Variants in PRUNE2 observed in about 807,000 individuals in gnomAD.
The protein encoded by PRUNE2 is prune homolog 2 with BCH domain.
A neutral mutation model predicts 252.0 loss-of-function variants in PRUNE2; 164 were observed. That is an observed-to-expected ratio of 0.65 (90% CI 0.57 to 0.74). The LOEUF (loss-of-function observed/expected upper bound fraction) is 0.74, where lower values mean the gene tolerates loss of function less well. Ranked by LOEUF, PRUNE2 falls within the 30% of genes least tolerant of loss-of-function variation. PRUNE2 has a pLI of 0.00. For synonymous variants in PRUNE2, 1,292 were observed against 1,350.2 expected (o/e 0.96, Z 0.94); for missense variants, 3,495 against 3,711.0 (o/e 0.94, Z 1.51).
At chr9:76,724,582 T>C (rs775432096) in intron 6 of PRUNE2, among the ~76,000 whole-genome samples, 2 of 152,124 alleles carry the variant, frequency 1.3e-5, no homozygotes, top group Non-Finnish European at 2.9e-5. Flanking sequence ...TCCCATCCTA[T>C]CTTCCATAAA....
chr9:76,772,901 ATT>A lies in PRUNE2; in HGVS notation c.756+50729_756+50730del, dbSNP rs1428706396. On this transcript the variant is annotated intron_variant, in intron 6 of 18. Coordinates refer to ENST00000376718, the MANE Select transcript of PRUNE2 (RefSeq NM_015225.3). ...ATTATTGACAGACAGTCACACATGG[ATT>A]TCAAAAAATTAAGTGGCTTTAACAG... 4.6e-5 allele frequency among the ~76,000 whole-genome samples: 7 copies of A among 152,172 alleles called. No individual in the cohort carries two copies. The East Asian group carries it at 1.3e-3, about 29-fold the overall frequency.
intron 18 of PRUNE2, chr9:76,615,298 T>C: frequency 2.1e-6 from 2 of 932,266 alleles, no homozygotes; most frequent in Non-Finnish European, 2.6e-6. Flanking sequence ...AGAATTTCAG[T>C]TGCGATAAAA....
At chr9:76,874,829 T>C (rs113753228) in intron 1 of PRUNE2, among the ~76,000 whole-genome samples, 220 of 152,262 alleles carry the variant, frequency 1.4e-3, no homozygotes, top group African/African-American at 4.8e-3. Flanking sequence ...TTAATTATCA[T>C]GAGATGAGAT....
intron 9 of PRUNE2, among the ~76,000 whole-genome samples, chr9:76,660,800 A>G (rs1851092389): frequency 6.6e-6 from 1 of 150,846 alleles, no homozygotes; most frequent in African/African-American, 2.4e-5. Context: ...AAAAAAAAAA[A>G]AGAAAGAAAG....
intron 18 of PRUNE2, among the ~76,000 whole-genome samples, chr9:76,618,997 C>T (rs961646618): frequency 6.6e-6 from 1 of 152,176 alleles, no homozygotes; most frequent in African/African-American, 2.4e-5. Flanking sequence ...GTTCCAACTT[C>T]CACTAATTAA....
intron 1 of PRUNE2, among the ~76,000 whole-genome samples, chr9:76,897,681 G>A (rs572602272): frequency 1.2e-4 from 18 of 152,084 alleles, no homozygotes; most frequent in African/African-American, 2.7e-4. Context: ...CTTCCAAAGT[G>A]CTAGGATTAC....
chr9:76,793,375 G>A (rs915165458), intron 6 of PRUNE2, among the ~76,000 whole-genome samples: 1 of 152,172 alleles, frequency 6.6e-6, no homozygotes, highest in Admixed American at 6.5e-5. Flanking sequence ...AGGGGTGGAG[G>A]ATTGACGAAC....
At chr9:76,712,360 A>G (rs56030881) in intron 7 of PRUNE2, among the ~76,000 whole-genome samples, 3,350 of 152,234 alleles carry the variant, frequency 0.022, 114 homozygotes, top group African/African-American at 0.077. Flanking sequence ...TACCCAGGCA[A>G]CCTAGCTGCA....
chr9:76,702,951 C>T (rs2046011037), intron 9 of PRUNE2, among the ~76,000 whole-genome samples: 1 of 152,140 alleles, frequency 6.6e-6, no homozygotes, highest in Non-Finnish European at 1.5e-5. Flanking sequence ...CCATTCCCCC[C>T]ACTGGCATGT....
At chr9:76,876,006 G>A (rs2061458120) in intron 1 of PRUNE2, among the ~76,000 whole-genome samples, 2 of 152,172 alleles carry the variant, frequency 1.3e-5, no homozygotes, top group Non-Finnish European at 2.9e-5. Context: ...AGCTCCCCAG[G>A]TGAATGCAAT....
chr9:76,708,640 C>T lies in PRUNE2; in HGVS notation c.3634G>A (p.Gly1212Arg), dbSNP rs925810839. ...CAAATACTGTTTGCAATTAGCTGCCCACTTTTCTCATTCAATGTGTGATGT... is the reference window on the plus strand; with the variant it reads ...CAAATACTGTTTGCAATTAGCTGCCTACTTTTCTCATTCAATGTGTGATGT... ...SEHHTLNEKS[G>R]QLIANSIWDS... The change falls in exon 8 of 19, where the codon GGG becomes AGG. Residue 1212 changes from glycine to arginine, a missense_variant. Physicochemically the swap from Gly to Arg is moderately radical, Grantham distance 125. Coordinates refer to ENST00000376718, the MANE Select transcript of PRUNE2 (RefSeq NM_015225.3). The T allele has an allele frequency of 6.2e-7, 1 of 1,613,946 alleles. No homozygotes were observed.
intron 9 of PRUNE2, among the ~76,000 whole-genome samples, chr9:76,694,309 A>G (rs1211525661): frequency 6.6e-6 from 1 of 151,976 alleles, no homozygotes; most frequent in African/African-American, 2.4e-5. Context: ...CAGCTTCCTG[A>G]GTAGCTGGGA....
intron 9 of PRUNE2, among the ~76,000 whole-genome samples, chr9:76,666,359 C>A (rs1285200298): frequency 6.6e-6 from 1 of 152,220 alleles, no homozygotes; most frequent in African/African-American, 2.4e-5. Context: ...CCGCAGTTAT[C>A]CGGAGGCCTA....
intron 4 of PRUNE2, among the ~76,000 whole-genome samples, chr9:76,842,771 A>G (rs1033827261): frequency 2.0e-5 from 3 of 152,226 alleles, no homozygotes; most frequent in African/African-American, 7.2e-5. Flanking sequence ...CAAAACCACA[A>G]TGAGATATCA....
At chr9:76,766,233 A>G (rs1037202928) in intron 6 of PRUNE2, among the ~76,000 whole-genome samples, 43 of 151,818 alleles carry the variant, frequency 2.8e-4, no homozygotes, top group African/African-American at 1.0e-3. Flanking sequence ...ATGCAATATC[A>G]TTTTTGATTT....
intron 9 of PRUNE2, among the ~76,000 whole-genome samples, chr9:76,680,377 A>C (rs1350019596): frequency 6.6e-6 from 1 of 152,208 alleles, no homozygotes; most frequent in Non-Finnish European, 1.5e-5. Flanking sequence ...AAAAAACCAA[A>C]AACCAGAAAA....
At chr9:76,743,510 A>G (rs777214405) in intron 6 of PRUNE2, among the ~76,000 whole-genome samples, 1 of 152,180 alleles carries the variant, frequency 6.6e-6, no homozygotes, top group Non-Finnish European at 1.5e-5. Context: ...GTCCCAACCA[A>G]TCATAGCAAA....
intron 9 of PRUNE2, among the ~76,000 whole-genome samples, chr9:76,687,999 T>C (rs1324714130): frequency 6.6e-6 from 1 of 152,230 alleles, no homozygotes; most frequent in African/African-American, 2.4e-5. Flanking sequence ...CTGTTCTTTT[T>C]CTTCCCACTT....
At chr9:76,837,254 C>T (rs372136206) in intron 4 of PRUNE2, among the ~76,000 whole-genome samples, 349 of 152,060 alleles carry the variant, frequency 2.3e-3, no homozygotes, top group Non-Finnish European at 3.5e-3. Flanking sequence ...CCATCCTGGC[C>T]AACATGGTGA....
Sources: allele counts gnomAD v4.1 joint callset (sites outside exome capture counted in the v4.1 genomes callset), GRCh38; gene constraint gnomAD v4.1.1; transcripts MANE v1.5; gene names NCBI Gene and HGNC (gene_info 2026-07-23, HGNC 2026-07-21).